The following NXPE2 variants were observed in gnomAD, a reference collection of about 807,000 sequenced individuals.
NXPE2 encodes neurexophilin and PC-esterase domain family member 2, also known as NXPE family member 2.
In NXPE2, 34 loss-of-function variants were observed where a neutral mutation model predicts 34.4. The observed-to-expected ratio is 0.99, with a 90% CI of 0.75 to 1.31. The LOEUF is 1.31. Ranked by LOEUF, NXPE2 falls within the 40% of genes most tolerant of loss-of-function variation. The probability of loss-of-function intolerance (pLI) is 0.00; values close to 1 mark genes in which losing one functional copy is unlikely to be tolerated. For synonymous variants in NXPE2, 235 were observed against 231.3 expected, an observed-to-expected ratio of 1.02 and a Z score of -0.15; for missense variants, 649 against 672.5, an observed-to-expected ratio of 0.97 and a Z score of 0.39.
At chr11:114,646,671 T>A in the NXPE2 span, among the ~76,000 whole-genome samples, 777 of 152,240 alleles carry the variant, frequency 5.1e-3, 3 homozygotes, top group African/African-American at 0.017. Flanking sequence ...ATAGACCCAA[T>A]TACCTCAATA....
chr11:114,719,534 A>C, the NXPE2 span, among the ~76,000 whole-genome samples: 1 of 152,132 alleles, frequency 6.6e-6, no homozygotes, highest in Non-Finnish European at 1.5e-5. Context: ...GTCATTGTGC[A>C]CACCTGATGT....
At chr11:114,561,866 G>A in the NXPE2 span, among the ~76,000 whole-genome samples, 1 of 151,856 alleles carries the variant, frequency 6.6e-6, no homozygotes, top group African/African-American at 2.4e-5. Context: ...CTTTTATTCT[G>A]TATTCTGCAA....
chr11:114,724,170 G>A, the NXPE2 span, among the ~76,000 whole-genome samples: 1 of 152,276 alleles, frequency 6.6e-6, no homozygotes, highest in African/African-American at 2.4e-5. Context: ...AAGAGGACAA[G>A]TAAATTTCTC....
At chr11:114,619,209 C>G in the NXPE2 span, among the ~76,000 whole-genome samples, 1 of 151,378 alleles carries the variant, frequency 6.6e-6, no homozygotes, top group East Asian at 2.0e-4. Flanking sequence ...AGTATTGCCT[C>G]TAGGGTAACC....
chr11:114,544,626 G>A, the NXPE2 span, among the ~76,000 whole-genome samples: 1 of 152,028 alleles, frequency 6.6e-6, no homozygotes, highest in East Asian at 1.9e-4. Context: ...ATTTCTGGAA[G>A]AAAACACACA....
chr11:114,503,061 C>G, the NXPE2 span, among the ~76,000 whole-genome samples: 1 of 151,824 alleles, frequency 6.6e-6, no homozygotes, highest in Non-Finnish European at 1.5e-5. Context: ...TGGCTAGGAG[C>G]TGCACTCCTC....
At chr11:114,655,017 C>A in the NXPE2 span, among the ~76,000 whole-genome samples, 106 of 152,326 alleles carry the variant, frequency 7.0e-4, no homozygotes, top group Non-Finnish European at 1.3e-3. Flanking sequence ...ACCATTCTGA[C>A]TGGTGTGAGA....
chr11:114,809,460 A>C, the NXPE2 span, among the ~76,000 whole-genome samples: 1 of 143,232 alleles, frequency 7.0e-6, no homozygotes, highest in Non-Finnish European at 1.5e-5. Context: ...GTCTCAGCCC[A>C]AAATCTCCTC....
chr11:114,570,664 C>G, the NXPE2 span: 7 of 251,616 alleles, frequency 2.8e-5, no homozygotes, highest in African/African-American at 1.1e-4. Context: ...AACTTTTACC[C>G]ATAGGTGTCT....
chr11:114,792,089 CG>C, the NXPE2 span, among the ~76,000 whole-genome samples: 1 of 152,232 alleles, frequency 6.6e-6, no homozygotes, highest in East Asian at 1.9e-4. Context: ...AACTAAGATA[CG>C]TGCTGAGCAG....
the NXPE2 span, chr11:114,579,996 G>A: frequency 7.0e-6 from 5 of 709,782 alleles, no homozygotes; most frequent in South Asian, 8.9e-5. Context: ...GGATAACAAT[G>A]CCTTGTGAAA....
chr11:114,486,483 T>C, the NXPE2 span, among the ~76,000 whole-genome samples: 38,977 of 152,036 alleles, frequency 0.26, 5,136 homozygotes, highest in East Asian at 0.37. Flanking sequence ...TCCTTTGCTG[T>C]ACAGAGGCTT....
the NXPE2 span, among the ~76,000 whole-genome samples, chr11:114,721,607 G>A: frequency 6.6e-6 from 1 of 152,316 alleles, no homozygotes; most frequent in South Asian, 2.1e-4. Context: ...ACAGAGGAAA[G>A]AGATGGTGAT....
At chr11:114,505,449 A>G in the NXPE2 span, among the ~76,000 whole-genome samples, 11 of 151,990 alleles carry the variant, frequency 7.2e-5, no homozygotes, top group Non-Finnish European at 1.6e-4. Flanking sequence ...TCAAAATGAC[A>G]GAAAAAATGT....
the NXPE2 span, among the ~76,000 whole-genome samples, chr11:114,613,161 C>T: frequency 0.019 from 2,854 of 151,316 alleles, 121 homozygotes; most frequent in African/African-American, 0.066. Flanking sequence ...GACTGTTACC[C>T]GATGGATAAT....
chr11:114,762,531 T>A, the NXPE2 span, among the ~76,000 whole-genome samples: 1 of 152,210 alleles, frequency 6.6e-6, no homozygotes, highest in Non-Finnish European at 1.5e-5. Context: ...ATCTGCTGTT[T>A]AGAGTTCTCC....
the NXPE2 span, among the ~76,000 whole-genome samples, chr11:114,616,792 A>G: frequency 6.6e-6 from 1 of 151,782 alleles, no homozygotes; most frequent in African/African-American, 2.4e-5. Flanking sequence ...TACCACTGTT[A>G]CACAGTGGAT....
the NXPE2 span, chr11:114,513,336 C>T: frequency 2.3e-6 from 1 of 440,356 alleles, no homozygotes; most frequent in East Asian, 5.2e-5. Context: ...TCCATGATTT[C>T]CTTTATTCTT....
the NXPE2 span, among the ~76,000 whole-genome samples, chr11:114,603,268 G>T: frequency 2.7e-5 from 4 of 149,970 alleles, no homozygotes; most frequent in African/African-American, 9.8e-5. Flanking sequence ...CCTATTTCCT[G>T]GTGGATGATA....
Sources: gnomAD v4.1 joint callset for allele counts (sites outside exome capture counted in the v4.1 genomes callset) on GRCh38, gnomAD v4.1.1 for gene constraint, MANE v1.5 for transcripts, NCBI Gene and HGNC (gene_info 2026-07-23, HGNC 2026-07-21) for gene names.